Variants in SHISA7 observed in about 807,000 individuals in gnomAD.
SHISA7 encodes shisa family member 7, also known as protein shisa-7.
In SHISA7, 6 loss-of-function variants were observed where a neutral mutation model predicts 23.9. The ratio of observed to expected loss-of-function variants is 0.25; its 90% CI spans 0.14 to 0.50. SHISA7 has a LOEUF of 0.50. Ranked by LOEUF, SHISA7 falls within the 20% of genes least tolerant of loss-of-function variation. The pLI, the probability that SHISA7 is intolerant of heterozygous loss-of-function variation, is 0.98. For synonymous variants in SHISA7, 386 were observed against 398.3 expected (o/e 0.97, Z 0.37); for missense variants, 671 against 801.1 (o/e 0.84, Z 1.96).
Position 55,433,022 on chromosome 19 carries a change from C to G in SHISA7, c.*134G>C, listed in dbSNP as rs1029196660. On this transcript the variant is annotated 3_prime_UTR_variant, in exon 4 of 4. Transcript: ENST00000376325. This position sits in a 1 kb window ranked among gnomAD's most constrained non-coding sequence, Gnocchi z 8.4. ...AGGAATCTTGTCTGCCAGGACATCCCAGAAGGAGGCTTTCACTCCTGTCCA... is the reference window on the plus strand; with the variant it reads ...AGGAATCTTGTCTGCCAGGACATCCGAGAAGGAGGCTTTCACTCCTGTCCA... 26 of 1,109,588 alleles carry G rather than the reference C, an allele frequency of 2.3e-5. No homozygotes were observed. The highest frequency in any genetic ancestry group is 3.0e-5 in the Non-Finnish European group (25 of 828,862). 68.7% of individuals were successfully genotyped at this position (1,109,588 alleles called of 1,614,324 possible).
chr19:55,433,146 G>A lies in SHISA7; in HGVS notation c.*10C>T. The A allele has an allele frequency of 1.3e-6, 2 of 1,515,938 alleles. No homozygotes were observed. Among genetic ancestry groups the A allele is most frequent in the South Asian group, 1.2e-5 (1 of 82,950 alleles). 93.9% of individuals were successfully genotyped at this position (1,515,938 alleles called of 1,614,324 possible). ...CGGGAGGCCGCAGCCCCCCAGACCCGGCCCTGGCCTCAGACAGTCACCTCG... is the reference window on the plus strand; with the variant it reads ...CGGGAGGCCGCAGCCCCCCAGACCCAGCCCTGGCCTCAGACAGTCACCTCG... On this transcript the variant is annotated 3_prime_UTR_variant, in exon 4 of 4. Coordinates refer to ENST00000376325, the MANE Select transcript of SHISA7 (RefSeq NM_001145176.2). The surrounding 1 kb of genome is among the most constrained non-coding windows in gnomAD (Gnocchi z 8.4).
chr19:55,442,396 C>G lies in SHISA7; in HGVS notation c.468G>C (p.Gly156=). Residue 156 remains glycine, a synonymous_variant, in exon 1 of 4, where the codon GGG becomes GGC. Transcript: ENST00000376325. ...ACCACCCGGCCTGGCCGGGCCCTGG[C>G]CCCCCGCCCGCACCCCCAGCGCCCC... ...GAGGAGGAGG[G]PGPGQAGWLE... 1.5e-6 allele frequency: 2 copies of G among 1,364,972 alleles called. No homozygotes were observed. The highest frequency in any genetic ancestry group is 1.9e-6 in the Non-Finnish European group (2 of 1,064,212). The allele number at this position is 1,364,972 out of a possible 1,614,324, so 84.6% of individuals were successfully genotyped here. A position where few individuals can be genotyped will look rare whatever the true frequency, so the allele number is the denominator to read the frequency against.
Position 55,440,733 on chromosome 19 carries a change from C to T in SHISA7, c.704G>A (p.Gly235Glu). Residue 235 changes from glycine (G) to glutamate (E), a missense_variant, in exon 2 of 4, where the codon GGG becomes GAG. Physicochemically the swap from Gly to Glu is moderately conservative, Grantham distance 98. Coordinates refer to ENST00000376325, the MANE Select transcript of SHISA7 (RefSeq NM_001145176.2). Reference sequence around the variant, plus strand: ...GGCCCGGTCCGGGCGGGTCCCAGGCCCCGCCTGATGTCTCAGAATGTCCAC... The same window carrying T: ...GGCCCGGTCCGGGCGGGTCCCAGGCTCCGCCTGATGTCTCAGAATGTCCAC... ...ALVDILRHQAGPGTRPDRARS... is the reference protein window; with the variant it reads ...ALVDILRHQAEPGTRPDRARS... The T allele has an allele frequency of 8.0e-7, 1 of 1,246,756 alleles. No homozygotes were observed. Among genetic ancestry groups the T allele is most frequent in the Non-Finnish European group, 1.0e-6 (1 of 988,244 alleles). 77.2% of individuals were successfully genotyped at this position (1,246,756 alleles called of 1,614,324 possible). A position where few individuals can be genotyped will look rare whatever the true frequency, so the allele number is the denominator to read the frequency against.
Position 55,430,059 on chromosome 19 carries a change from C to T in SHISA7, c.*3097G>A, listed in dbSNP as rs958966856. On this transcript the variant is annotated 3_prime_UTR_variant, in exon 4 of 4. Transcript: ENST00000376325. ...GCGTCACCTGAGGGTTGAAATGCTT[C>T]CTCTCTGGTGATAATGAGAGGTTGC... 1.3e-5 allele frequency: 2 copies of T among 152,278 alleles called. No individual in the cohort carries two copies. Among genetic ancestry groups the T allele is most frequent in the African/African-American group, 4.8e-5 (2 of 41,426 alleles). 9.4% of individuals were successfully genotyped at this position (152,278 alleles called of 1,614,324 possible).
intron 3 of SHISA7, among the ~76,000 whole-genome samples, chr19:55,435,589 C>CA (rs1160895563): frequency 0.13 from 8,515 of 66,464 alleles, 564 homozygotes; most frequent in East Asian, 0.25. Flanking sequence ...TCCATCTCTA[C>CA]AAAAAAAAAA....
rs1299313121 is a variant in SHISA7, at chr19:55,429,648, G to A, written c.*3508C>T. 6.6e-6 allele frequency: 1 copy of A among 152,278 alleles called. No homozygotes were observed. The highest frequency in any genetic ancestry group is 1.5e-5 in the Non-Finnish European group (1 of 68,116). 9.4% of individuals were successfully genotyped at this position (152,278 alleles called of 1,614,324 possible). On this transcript the variant is annotated 3_prime_UTR_variant, in exon 4 of 4. Transcript: ENST00000376325. ...GAGGCCCCCCCCACCTCGCCCTAGGGGCTGGGGGAGGGGCGTGTAGCCCTT... is the reference window on the plus strand; with the variant it reads ...GAGGCCCCCCCCACCTCGCCCTAGGAGCTGGGGGAGGGGCGTGTAGCCCTT...
At chr19:55,440,554 A>C (rs1229899394) in intron 2 of SHISA7, 57 bp downstream of exon 2, 1 of 1,246,786 alleles carries the variant, frequency 8.0e-7, no homozygotes, top group African/African-American at 1.6e-5. Context: ...GCGGGGCTAC[A>C]TGATGAAGGG....
Position 55,433,908 on chromosome 19 carries a change from C to G in SHISA7, c.977-112G>C. On this transcript the variant is annotated intron_variant, in intron 3 of 3. Transcript: ENST00000376325. The surrounding 1 kb of genome is among the most constrained non-coding windows in gnomAD (Gnocchi z 8.4). ...ATGCTCCTTGTGCCCCCACAAGGAT[C>G]CTGGGCATCAGGCTAGCTGTGAGGC... 1.6e-6 allele frequency: 2 copies of G among 1,236,532 alleles called. No individual in the cohort carries two copies. The highest frequency in any genetic ancestry group is 2.1e-6 in the Non-Finnish European group (2 of 962,978). 76.6% of individuals were successfully genotyped at this position (1,236,532 alleles called of 1,614,324 possible).
chr19:55,429,932 A>G lies in SHISA7; in HGVS notation c.*3224T>C, dbSNP rs760715434. 8 of 152,252 alleles carry G rather than the reference A, an allele frequency of 5.3e-5. No individual in the cohort carries two copies. The highest frequency in any genetic ancestry group is 1.9e-4 in the East Asian group (1 of 5,180). The allele number at this position is 152,252 out of a possible 1,614,324, so 9.4% of individuals were successfully genotyped here. A position where few individuals can be genotyped will look rare whatever the true frequency, so the allele number is the denominator to read the frequency against. On this transcript the variant is annotated 3_prime_UTR_variant, in exon 4 of 4. Transcript: ENST00000376325. The stretch of plus-strand genomic sequence containing the variant: ...CCCAGTCGGTCACCAGCTTTGACCT[A>G]TCCCGCGGGGGTCAGGGATCTCTGA...
rs111723684 is a variant in SHISA7, at chr19:55,431,382, G to T, written c.*1774C>A. 1 of 152,074 alleles carries T rather than the reference G, an allele frequency of 6.6e-6. No individual in the cohort carries two copies. Among genetic ancestry groups the T allele is most frequent in the African/African-American group, 2.4e-5 (1 of 41,442 alleles). The allele number at this position is 152,074 out of a possible 1,614,324, so 9.4% of individuals were successfully genotyped here. ...GAAGGTAATGTCATCACTGGTCATG[G>T]TGGAATCTAGGAGATGATGACACCG... is the stretch of plus-strand genomic sequence containing the variant. On this transcript the variant is annotated 3_prime_UTR_variant, in exon 4 of 4. Transcript: ENST00000376325.
intron 3 of SHISA7, among the ~76,000 whole-genome samples, chr19:55,435,170 GGT>G (rs200171184): frequency 6.5e-4 from 31 of 47,874 alleles, no homozygotes; most frequent in East Asian, 1.2e-3. Context: ...GTGTGTGTAT[GGT>G]GTGTGTGGTT....
In SHISA7 at chr19:55,443,255, G is replaced by A. The variant is rs1432786808; in HGVS notation, c.-392C>T. Among the ~76,000 whole-genome samples the A allele has an allele frequency of 6.6e-6, 1 of 150,558 alleles. No homozygotes were observed. The highest frequency in any genetic ancestry group is 1.5e-5 in the Non-Finnish European group (1 of 67,726). On this transcript the variant is annotated 5_prime_UTR_variant, in exon 1 of 4. Coordinates refer to ENST00000376325, the MANE Select transcript of SHISA7 (RefSeq NM_001145176.2). ...CAGAGGGGTGTGCAGACATTAGGAC[G>A]AGGAGCGAGGCGAGGCGCGATGTAA...
chr19:55,441,343 G>C lies in SHISA7; in HGVS notation c.672-578C>G, dbSNP rs867529708. 2.2e-4 allele frequency among the ~76,000 whole-genome samples: 33 copies of C among 152,242 alleles called. No homozygotes were observed. In the Middle Eastern group the frequency reaches 0.01, roughly 47 times the overall value. On this transcript the variant is annotated intron_variant, in intron 1 of 3. Coordinates refer to ENST00000376325, the MANE Select transcript of SHISA7 (RefSeq NM_001145176.2). ...CGCAGCCCGCATAATTTAAAAAATG[G>C]ACAGATGGCATCACGCCCGAGCTCA...
Position 55,442,336 on chromosome 19 carries a change from G to A in SHISA7, c.528C>T (p.Arg176=). The A allele has an allele frequency of 2.0e-6, 3 of 1,471,742 alleles. No homozygotes were observed. The highest frequency in any genetic ancestry group is 2.6e-5 in the South Asian group (2 of 78,234). 91.2% of individuals were successfully genotyped at this position (1,471,742 alleles called of 1,614,324 possible). The change falls in exon 1 of 4, where the codon CGC becomes CGT. Residue 176 remains arginine (R), a synonymous_variant. Transcript: ENST00000376325. The stretch of plus-strand genomic sequence containing the variant: ...TGCTGCCCCCGGGGCCCTCGCCCCC[G>A]CGGCCCCCGGCACCCCCAGTCCGGC... ...EGGRTGGAGG[R]GGEGPGGSTA...
chr19:55,440,590 C>A lies in SHISA7; in HGVS notation c.826+21G>T, dbSNP rs201210457. On this transcript the variant is annotated intron_variant, in intron 2 of 3. Transcript: ENST00000376325. Reference sequence around the variant, plus strand: ...GCGTGGCCAGAGACGGAGGCTGCGCCGGATCCCACGTTCCACTCACCGAGG... The same window carrying A: ...GCGTGGCCAGAGACGGAGGCTGCGCAGGATCCCACGTTCCACTCACCGAGG... The A allele has an allele frequency of 8.0e-6, 10 of 1,249,540 alleles. 1 individual carries two copies. In the Middle Eastern group the frequency reaches 6.2e-4, roughly 77 times the overall value. 77.4% of individuals were successfully genotyped at this position (1,249,540 alleles called of 1,614,324 possible).
chr19:55,434,665 T>C (rs1985344903), intron 3 of SHISA7, among the ~76,000 whole-genome samples: 2 of 115,718 alleles, frequency 1.7e-5, no homozygotes, highest in Admixed American at 9.3e-5. Context: ...GTGTGGTGTG[T>C]GTGTATGGTG....
intron 2 of SHISA7, among the ~76,000 whole-genome samples, chr19:55,439,642 C>T (rs571115776): frequency 3.3e-5 from 5 of 152,332 alleles, no homozygotes; most frequent in Non-Finnish European, 5.9e-5. Flanking sequence ...TGGAGCTTCC[C>T]AGCCCCAGTA....
intron 2 of SHISA7, among the ~76,000 whole-genome samples, chr19:55,438,841 G>T (rs2123355235): frequency 6.7e-6 from 1 of 149,290 alleles, no homozygotes; most frequent in East Asian, 2.0e-4. Context: ...GCTCAGGGCT[G>T]GGTAAGTGGT....
At position 55,442,692 on chromosome 19, in the gene SHISA7, C is replaced by A. The variant is rs1340477535; in HGVS notation, c.172G>T (p.Ala58Ser). ...GCGGGGCCGGTCCTGGTGCCGTTGGCGCCTGGGCTCGCCGCGCCCCCGCCG... is the reference window on the plus strand; with the variant it reads ...GCGGGGCCGGTCCTGGTGCCGTTGGAGCCTGGGCTCGCCGCGCCCCCGCCG... ...TGGGGAASPG[A>S]NGTRTGPAGG... Residue 58 changes from alanine to serine, a missense_variant, in exon 1 of 4, where the codon GCC becomes TCC. This residue lies in a region of SHISA7 where 96 missense variants were observed against 113.1 expected (regional missense o/e 0.85). Transcript: ENST00000376325. The A allele has an allele frequency of 8.7e-6, 9 of 1,029,612 alleles. No homozygotes were observed. The highest frequency in any genetic ancestry group is 1.0e-5 in the Non-Finnish European group (9 of 860,834). 63.8% of individuals were successfully genotyped at this position (1,029,612 alleles called of 1,614,324 possible). A position where few individuals can be genotyped will look rare whatever the true frequency, so the allele number is the denominator to read the frequency against.
Sources: gnomAD v4.1 joint callset for allele counts (sites outside exome capture counted in the v4.1 genomes callset) on GRCh38, gnomAD v4.1.1 for gene constraint, gnomAD v4.1.1 regional missense constraint, Gnocchi (gnomAD v3.1) non-coding constraint, MANE v1.5 for transcripts, NCBI Gene and HGNC (gene_info 2026-07-23, HGNC 2026-07-21) for gene names.